The following CACNA2D3 variants were observed in gnomAD, a reference collection of about 807,000 sequenced individuals.
CACNA2D3 encodes voltage-dependent calcium channel subunit alpha-2/delta-3.
Under a neutral mutation model 160.6 loss-of-function variants are expected in CACNA2D3, and 60 were observed. The observed-to-expected ratio is 0.37, with a 90% CI of 0.30 to 0.46. CACNA2D3 has a LOEUF of 0.46. Among genes scored for constraint, CACNA2D3 ranks in the 20% least tolerant of loss-of-function variants. The pLI, the probability that CACNA2D3 is intolerant of heterozygous loss-of-function variation, is 1.00. For synonymous variants in CACNA2D3, 558 were observed against 492.9 expected (o/e 1.13, Z -1.75); for missense variants, 1,205 against 1,365.0 (o/e 0.88, Z 1.85).
intron 4 of CACNA2D3, among the ~76,000 whole-genome samples, chr3:54,472,056 C>G (rs1389422800): frequency 2.6e-5 from 4 of 152,162 alleles, no homozygotes; most frequent in Non-Finnish European, 4.4e-5. Context: ...GTGAGGCCAG[C>G]ATCATCCTGA....
At chr3:54,382,793 ACAAAG>A (rs1478656093) in intron 3 of CACNA2D3, among the ~76,000 whole-genome samples, 1 of 152,222 alleles carries the variant, frequency 6.6e-6, no homozygotes, top group Non-Finnish European at 1.5e-5. Flanking sequence ...CAAAAACAAA[ACAAAG>A]CAAAGCAAAA....
At chr3:54,681,198 C>G (rs1247680520) in intron 11 of CACNA2D3, among the ~76,000 whole-genome samples, 1 of 151,486 alleles carries the variant, frequency 6.6e-6, no homozygotes, top group African/African-American at 2.4e-5. Context: ...TCTCTCAAGT[C>G]TATTATACCA....
chr3:54,170,555 C>T (rs963880828), intron 2 of CACNA2D3, among the ~76,000 whole-genome samples: 8 of 152,132 alleles, frequency 5.3e-5, no homozygotes, highest in Non-Finnish European at 8.8e-5. Flanking sequence ...CTGCTGTGCA[C>T]CTCCTCTGTG....
At chr3:55,013,810 G>A (rs1186054334) in intron 34 of CACNA2D3, among the ~76,000 whole-genome samples, 1 of 152,102 alleles carries the variant, frequency 6.6e-6, no homozygotes, top group Non-Finnish European at 1.5e-5. Flanking sequence ...AGAAGAGGAA[G>A]GCTTTTCAAA....
At chr3:54,886,875 C>G (rs1370738542) in intron 23 of CACNA2D3, among the ~76,000 whole-genome samples, 1 of 145,356 alleles carries the variant, frequency 6.9e-6, no homozygotes, top group Non-Finnish European at 1.5e-5. Context: ...CACTACATAA[C>G]TTAATATATT....
chr3:54,686,251 T>G (rs1042925538), intron 11 of CACNA2D3, among the ~76,000 whole-genome samples: 2 of 152,186 alleles, frequency 1.3e-5, no homozygotes, highest in African/African-American at 4.8e-5. Flanking sequence ...TGTGGCTGAG[T>G]TGAATAGTTG....
At chr3:54,495,735 G>A (rs1701192770) in intron 4 of CACNA2D3, among the ~76,000 whole-genome samples, 1 of 152,160 alleles carries the variant, frequency 6.6e-6, no homozygotes, top group South Asian at 2.1e-4. Context: ...GGTGGACAGA[G>A]TGAGACTCTG....
At chr3:54,353,037 A>T (rs1698591372) in intron 3 of CACNA2D3, among the ~76,000 whole-genome samples, 1 of 152,206 alleles carries the variant, frequency 6.6e-6, no homozygotes, top group African/African-American at 2.4e-5. Context: ...AAGTTGTTTT[A>T]AAATGTATAA....
In CACNA2D3 at chr3:54,761,837, G is replaced by C. The variant is rs758601352; in HGVS notation, c.1247-2381G>C. On this transcript the variant is annotated intron_variant, in intron 12 of 37. Coordinates refer to ENST00000474759, the MANE Select transcript of CACNA2D3 (RefSeq NM_018398.3). ...CCACATGGTCCCAACCTGGTTTGGG[G>C]TTGGCACACCAAATTCAAACCAGCT... is the stretch of plus-strand genomic sequence containing the variant. 2.5e-4 allele frequency among the ~76,000 whole-genome samples: 38 copies of C among 152,284 alleles called. 1 individual carries two copies. Among genetic ancestry groups the C allele is most frequent in the Middle Eastern group, 6.8e-3 (2 of 294 alleles).
chr3:54,660,206 G>A (rs1699943615), intron 11 of CACNA2D3, among the ~76,000 whole-genome samples: 1 of 151,004 alleles, frequency 6.6e-6, no homozygotes, highest in Admixed American at 6.6e-5. Context: ...TGTCGCCCAG[G>A]CTGGAGTGCA....
chr3:55,072,703 T>C (rs1275923286), intron 35 of CACNA2D3, among the ~76,000 whole-genome samples: 5 of 152,166 alleles, frequency 3.3e-5, no homozygotes, highest in African/African-American at 1.2e-4. Flanking sequence ...GAGTCAGTAG[T>C]GTTTTGTGTT....
chr3:54,923,009 C>G (rs1315655724), intron 27 of CACNA2D3, among the ~76,000 whole-genome samples: 1 of 152,200 alleles, frequency 6.6e-6, no homozygotes, highest in Non-Finnish European at 1.5e-5. Flanking sequence ...TGTCTCACCA[C>G]CCTGGTTTGG....
chr3:55,073,759 G>T lies in CACNA2D3; in HGVS notation c.3101-18G>T. ...AGAAAAAAGCAATCCTTGGAAACAT[G>T]CCTTAACTACAGTCAACATAATGAA... is the stretch of plus-strand genomic sequence containing the variant. On this transcript the variant is annotated intron_variant, in intron 36 of 37. Transcript: ENST00000474759. 1 of 1,602,542 alleles carries T rather than the reference G, an allele frequency of 6.2e-7. No individual in the cohort carries two copies. Among genetic ancestry groups the T allele is most frequent in the East Asian group, 2.2e-5 (1 of 44,778 alleles).
rs187171453 is a variant in CACNA2D3, at chr3:54,675,487, C to T, written c.1167+33246C>T. Among the ~76,000 whole-genome samples, 11 of 152,214 alleles carry T rather than the reference C, an allele frequency of 7.2e-5. No individual in the cohort carries two copies. In the East Asian group the frequency reaches 9.7e-4, roughly 13 times the overall value. On this transcript the variant is annotated intron_variant, in intron 11 of 37. Coordinates refer to ENST00000474759, the MANE Select transcript of CACNA2D3 (RefSeq NM_018398.3). Reference sequence around the variant, plus strand: ...GAGGAAAAAAGTGGTGAAAGCCTCTCCTGGCCCCTGGGGAAAGGTGGTCAG... The same window carrying T: ...GAGGAAAAAAGTGGTGAAAGCCTCTTCTGGCCCCTGGGGAAAGGTGGTCAG...
chr3:54,704,004 AAT>A (rs1700813764), intron 11 of CACNA2D3, among the ~76,000 whole-genome samples: 1 of 152,236 alleles, frequency 6.6e-6, no homozygotes, highest in African/African-American at 2.4e-5. Context: ...AGCTCTCTTT[AAT>A]CTTGATCTTT....
intron 11 of CACNA2D3, among the ~76,000 whole-genome samples, chr3:54,710,247 G>GA (rs1700930767): frequency 6.6e-6 from 1 of 152,176 alleles, no homozygotes; most frequent in South Asian, 2.1e-4. Context: ...ATGATGAAGG[G>GA]AAAATCAATG....
intron 9 of CACNA2D3, among the ~76,000 whole-genome samples, chr3:54,602,006 G>A (rs1014242549): frequency 2.0e-5 from 3 of 151,958 alleles, no homozygotes; most frequent in African/African-American, 4.8e-5. Flanking sequence ...ACCAGGCACT[G>A]ATAAACACTG....
chr3:54,950,455 C>T (rs114789744), intron 27 of CACNA2D3, among the ~76,000 whole-genome samples: 3,137 of 152,264 alleles, frequency 0.021, 104 homozygotes, highest in African/African-American at 0.071. Flanking sequence ...CCTTCCTTCC[C>T]TCTTCATCTT....
intron 2 of CACNA2D3, among the ~76,000 whole-genome samples, chr3:54,166,040 G>A (rs1559869112): frequency 6.6e-6 from 1 of 152,188 alleles, no homozygotes; most frequent in Non-Finnish European, 1.5e-5. Context: ...CATGGGAAGA[G>A]TACAGCTGTG....
Sources: gnomAD v4.1 joint callset for allele counts (sites outside exome capture counted in the v4.1 genomes callset) on GRCh38, gnomAD v4.1.1 for gene constraint, MANE v1.5 for transcripts, NCBI Gene and HGNC (gene_info 2026-07-23, HGNC 2026-07-21) for gene names.